Variants in RBBP8 observed in about 807,000 individuals in gnomAD.
RBBP8 encodes the protein DNA endonuclease RBBP8.
In RBBP8, 88 loss-of-function variants were observed where a neutral mutation model predicts 108.3. That is an observed-to-expected ratio of 0.81 (90% CI 0.68 to 0.97). RBBP8 has a LOEUF of 0.97. Among genes scored for constraint, RBBP8 ranks in the 50% least tolerant of loss-of-function variants. RBBP8 has a pLI of 0.00. For synonymous variants in RBBP8, 332 were observed against 348.2 expected (o/e 0.95, Z 0.52); for missense variants, 1,023 against 1,049.0 (o/e 0.98, Z 0.34).
chr18:22,942,267 A>G (rs1911152941), intron 2 of RBBP8, among the ~76,000 whole-genome samples: 1 of 152,158 alleles, frequency 6.6e-6, no homozygotes, highest in South Asian at 2.1e-4. Flanking sequence ...TATAGTTTTT[A>G]CTTAGCTACA....
intron 5 of RBBP8, among the ~76,000 whole-genome samples, chr18:22,974,061 G>A (rs1914324287): frequency 6.6e-6 from 1 of 152,148 alleles, no homozygotes; most frequent in African/African-American, 2.4e-5. Context: ...AAGAAAATAT[G>A]TTTAGATTTA....
In RBBP8 at chr18:22,993,096, G is replaced by A. The variant is rs965291625; in HGVS notation, c.1269G>A (p.Glu423=). 4 of 1,613,996 alleles carry A rather than the reference G, an allele frequency of 2.5e-6. No homozygotes were observed. Among genetic ancestry groups the A allele is most frequent in the Middle Eastern group, 1.7e-4 (1 of 6,060 alleles). ...CCCTAGGTGAACAGAATAGGACTGAGTACGGTAAAGATTCTAACACTGATA... is the reference window on the plus strand; with the variant it reads ...CCCTAGGTGAACAGAATAGGACTGAATACGGTAAAGATTCTAACACTGATA... The part of the protein sequence containing the change: ...SESLGEQNRT[E]YGKDSNTDKH... Residue 423 remains glutamate, a synonymous_variant, in exon 11 of 19, where the codon GAG becomes GAA. Transcript: ENST00000327155.
chr18:22,962,786 G>A (rs773864597), intron 4 of RBBP8, among the ~76,000 whole-genome samples: 4 of 149,612 alleles, frequency 2.7e-5, no homozygotes, highest in African/African-American at 4.9e-5. Flanking sequence ...TTTTTCGTAC[G>A]GACAGGGTTT....
upstream of RBBP8, among the ~76,000 whole-genome samples, chr18:22,930,683 C>G (rs558383909): frequency 6.6e-6 from 1 of 152,236 alleles, no homozygotes; most frequent in African/African-American, 2.4e-5. Flanking sequence ...CAGGGAATGC[C>G]CATTTCATTC....
At chr18:23,024,970 G>A (rs560280328) in intron 18 of RBBP8, among the ~76,000 whole-genome samples, 38 of 152,116 alleles carry the variant, frequency 2.5e-4, no homozygotes, top group Non-Finnish European at 4.7e-4. Flanking sequence ...ATTCTCAGCT[G>A]GGCACAGTAT....
rs912804890 is a variant in RBBP8, at chr18:22,989,432, T to C, written c.807+114T>C. The C allele has an allele frequency of 4.9e-5, 36 of 741,236 alleles. No individual in the cohort carries two copies. The African/African-American group carries it at 5.8e-4, about 12-fold the overall frequency. 45.9% of individuals were successfully genotyped at this position (741,236 alleles called of 1,614,324 possible). On this transcript the variant is annotated intron_variant, in intron 9 of 18. Coordinates refer to ENST00000327155, the MANE Select transcript of RBBP8 (RefSeq NM_002894.3). ...TATCTAAAGATCTTGGGTAAAGGCC[T>C]GAAACAAAACTTACATTGTTAGAAA... is the stretch of plus-strand genomic sequence containing the variant.
chr18:22,935,604 T>C (rs1001244104), intron 1 of RBBP8, among the ~76,000 whole-genome samples: 1 of 152,206 alleles, frequency 6.6e-6, no homozygotes, highest in Non-Finnish European at 1.5e-5. Context: ...TTCAGCCCCT[T>C]TGTCAGAGAC....
upstream of RBBP8, among the ~76,000 whole-genome samples, chr18:22,930,978 T>C (rs1033921244): frequency 2.0e-5 from 3 of 152,252 alleles, no homozygotes; most frequent in South Asian, 4.1e-4. Context: ...GATTTCACTA[T>C]GTTGCCCAAG....
chr18:22,944,239 A>C (rs1911354200), intron 2 of RBBP8, among the ~76,000 whole-genome samples: 1 of 152,270 alleles, frequency 6.6e-6, no homozygotes, highest in Non-Finnish European at 1.5e-5. Flanking sequence ...TCTACGTGAC[A>C]GAACAAATGC....
Position 22,949,646 on chromosome 18 carries a change from A to G in RBBP8, c.181A>G (p.Thr61Ala), listed in dbSNP as rs1048861490. Residue 61 changes from threonine (T) to alanine (A), a missense_variant, in exon 4 of 19, where the codon ACC becomes GCC. Thr to Ala is a moderately conservative substitution (Grantham distance 58). Coordinates refer to ENST00000327155, the MANE Select transcript of RBBP8 (RefSeq NM_002894.3). ...LDAQRLEEFF[T>A]KNQQLREQQK... The stretch of plus-strand genomic sequence containing the variant: ...TGCACAAAGACTAGAAGAATTCTTC[A>G]CCAAAAATCAACAGCTGAGGGAACA... The G allele has an allele frequency of 4.3e-6, 7 of 1,613,046 alleles. No individual in the cohort carries two copies. In the African/African-American group the frequency reaches 6.7e-5, roughly 15 times the overall value.
chr18:22,927,068 GTTCA>G (rs774011682), intron 3 of RBBP8, among the ~76,000 whole-genome samples: 1 of 152,268 alleles, frequency 6.6e-6, no homozygotes, highest in Non-Finnish European at 1.5e-5. Context: ...TGAATCAAGT[GTTCA>G]TTCAAGTTAA....
intron 4 of RBBP8, among the ~76,000 whole-genome samples, chr18:22,954,538 G>A (rs991382373): frequency 5.3e-5 from 8 of 152,214 alleles, no homozygotes; most frequent in African/African-American, 1.7e-4. Flanking sequence ...ATTTTGCAGG[G>A]TACAGCCCCA....
rs976645640 is a variant in RBBP8 at position 22,972,698 on chromosome 18, T to A, written c.362-2455T>A. On this transcript the variant is annotated intron_variant, in intron 5 of 18. Transcript: ENST00000327155. ...GTTAATATCTTAATTCTCTTCCGAA[T>A]AATATAAGAATTTTAAAGCACTTAA... Among the ~76,000 whole-genome samples, 3 of 152,200 alleles carry A rather than the reference T, an allele frequency of 2.0e-5. No individual in the cohort carries two copies. The East Asian group carries it at 5.8e-4, about 29-fold the overall frequency.
At chr18:22,967,365 C>CAAA (rs200892497) in intron 4 of RBBP8, among the ~76,000 whole-genome samples, 3 of 108,216 alleles carry the variant, frequency 2.8e-5, no homozygotes, top group Non-Finnish European at 3.5e-5. Context: ...GACTCCGTCT[C>CAAA]AAAAAAAAAA....
At chr18:22,962,922 A>G (rs1160493351) in intron 4 of RBBP8, among the ~76,000 whole-genome samples, 1 of 152,028 alleles carries the variant, frequency 6.6e-6, no homozygotes, top group East Asian at 1.9e-4. Context: ...ACCACCTTCT[A>G]ATACGCTATA....
chr18:22,985,435 C>A (rs1266818704), intron 8 of RBBP8, among the ~76,000 whole-genome samples: 1 of 152,050 alleles, frequency 6.6e-6, no homozygotes, highest in Non-Finnish European at 1.5e-5. Context: ...TGCATAGGGA[C>A]TGAGGGAGGG....
upstream of RBBP8, among the ~76,000 whole-genome samples, chr18:22,929,031 A>C (rs149950120): frequency 5.2e-4 from 79 of 152,240 alleles, no homozygotes; most frequent in East Asian, 0.014. Flanking sequence ...AATGGTTTAG[A>C]TGTTGGGCAG....
intron 7 of RBBP8, among the ~76,000 whole-genome samples, chr18:22,982,959 G>A (rs1482321233): frequency 6.6e-6 from 1 of 152,146 alleles, no homozygotes; most frequent in Non-Finnish European, 1.5e-5. Context: ...TGCCACATGG[G>A]TACTCCTGCC....
At chr18:22,980,938 G>A (rs565600197) in intron 6 of RBBP8, among the ~76,000 whole-genome samples, 131 of 137,664 alleles carry the variant, frequency 9.5e-4, no homozygotes, top group African/African-American at 3.2e-3. Context: ...CCAAAGTGCT[G>A]GAATTGTAGG....
Sources: gnomAD v4.1 joint callset for allele counts (sites outside exome capture counted in the v4.1 genomes callset) on GRCh38, gnomAD v4.1.1 for gene constraint, MANE v1.5 for transcripts, NCBI Gene and HGNC (gene_info 2026-07-23, HGNC 2026-07-21) for gene names.